Variants in TSEN2 observed in about 807,000 individuals in gnomAD.
The protein encoded by TSEN2 is tRNA splicing endonuclease subunit 2, also known as tRNA-splicing endonuclease subunit Sen2.
A neutral mutation model predicts 59.2 loss-of-function variants in TSEN2; 54 were observed. The ratio of observed to expected loss-of-function variants is 0.91; its 90% CI spans 0.73 to 1.14. The LOEUF is 1.14. TSEN2 is among the 50% of genes most tolerant of loss of function. The pLI, the probability that TSEN2 is intolerant of heterozygous loss-of-function variation, is 0.00. For synonymous variants in TSEN2, 195 were observed against 198.2 expected (o/e 0.98, Z 0.14); for missense variants, 636 against 576.2 (o/e 1.10, Z -1.06).
At chr3:12,516,435 AAACAAAATATATG>A in intron 6 of TSEN2, among the ~76,000 whole-genome samples, 163 bp from the exon 7 acceptor site, 3 of 108,420 alleles carry the variant, frequency 2.8e-5, no homozygotes, top group African/African-American at 3.2e-5. Context: ...AAAAACAAAC[AAACAAAATATATG>A]TGTGTGTGTG....
At position 12,531,582 on chromosome 3, in the gene TSEN2, T is replaced by C. The variant is rs754960735; in HGVS notation, c.1261T>C (p.Cys421Arg). The change falls in exon 11 of 12, where the codon TGC (cysteine) becomes CGC (arginine). Residue 421 changes from cysteine (C) to arginine (R), a missense_variant. Transcript: ENST00000284995. ...SVNVSKELML[C>R]YLIKPSTMTD... ...CATTTCTCAATAGGAACTTATGCTG[T>C]GCTATTTGATTAAACCCTCTACTAT... The C allele has an allele frequency of 1.2e-6, 2 of 1,608,636 alleles. No homozygotes were observed. The highest frequency in any genetic ancestry group is 2.2e-5 in the South Asian group (2 of 90,978).
At chr3:12,528,315 A>T (rs1033129820) in intron 8 of TSEN2, among the ~76,000 whole-genome samples, 1 of 152,218 alleles carries the variant, frequency 6.6e-6, no homozygotes, top group Non-Finnish European at 1.5e-5. Context: ...GATTGCCTGT[A>T]CTTTGACTTT....
chr3:12,499,700 C>T (rs2054100490), intron 4 of TSEN2, among the ~76,000 whole-genome samples: 1 of 152,170 alleles, frequency 6.6e-6, no homozygotes, highest in African/African-American at 2.4e-5. Context: ...ACCAGCACTC[C>T]CTGAGCACCT....
chr3:12,506,578 CAAAAA>C (rs537179433), intron 6 of TSEN2: 27 of 355,694 alleles, frequency 7.6e-5, no homozygotes, highest in Admixed American at 9.6e-5. Flanking sequence ...GATCCTGTTT[CAAAAA>C]AAAAAAAAAA....
intron 10 of TSEN2, chr3:12,530,146 G>T: frequency 7.7e-7 from 1 of 1,306,580 alleles, no homozygotes; most frequent in Non-Finnish European, 9.7e-7. Context: ...ATCTGATCTG[G>T]GTAGGCATTG....
rs1451522637 is a variant in TSEN2 at position 12,531,614 on chromosome 3, C to A, written c.1293C>A (p.Asp431Glu). The change falls in exon 11 of 12, where the codon GAC (aspartate) becomes GAA (glutamate). Residue 431 changes from aspartate to glutamate, a missense_variant. By Grantham distance (45) the Asp-to-Glu change is conservative. Coordinates refer to ENST00000284995, the MANE Select transcript of TSEN2 (RefSeq NM_025265.4). The stretch of plus-strand genomic sequence containing the variant: ...TGATTAAACCCTCTACTATGACTGA[C>A]AAGGAAATGGAGTCACCAGAATGTA... ...CYLIKPSTMTDKEMESPECMK... is the reference protein window; with the variant it reads ...CYLIKPSTMTEKEMESPECMK... 2 of 1,613,408 alleles carry A rather than the reference C, an allele frequency of 1.2e-6. No individual in the cohort carries two copies. The highest frequency in any genetic ancestry group is 2.2e-5 in the East Asian group (1 of 44,874).
At chr3:12,499,299 T>G (rs2054059909) in intron 4 of TSEN2, among the ~76,000 whole-genome samples, 1 of 152,208 alleles carries the variant, frequency 6.6e-6, no homozygotes, top group Non-Finnish European at 1.5e-5. Context: ...CCCGTTGTCC[T>G]TTATTCAGCC....
In TSEN2 at chr3:12,519,072, T is replaced by G. The variant is rs1359737505; in HGVS notation, c.974T>G (p.Ile325Arg). Residue 325 changes from isoleucine to arginine, a missense_variant, in exon 8 of 12, where the codon ATA becomes AGA. Physicochemically the swap from Ile to Arg is moderately conservative, Grantham distance 97. Transcript: ENST00000284995. ...SIYYEKEPLT[I>R]VKLWKAFTVV... ...AAATAACTTTAGGAGCCTTTAACGA[T>G]AGTGAAGCTCTGGAAAGCTTTCACT... 1 of 1,614,210 alleles carries G rather than the reference T, an allele frequency of 6.2e-7. No individual in the cohort carries two copies. Among genetic ancestry groups the G allele is most frequent in the Non-Finnish European group, 8.5e-7 (1 of 1,180,026 alleles).
chr3:12,513,217 C>T (rs2055685171), intron 6 of TSEN2, among the ~76,000 whole-genome samples: 2 of 152,156 alleles, frequency 1.3e-5, no homozygotes, highest in Admixed American at 6.5e-5. Flanking sequence ...ATAATGAAAA[C>T]ACATCAGTTT....
At chr3:12,491,171 T>G (rs1682751631) in intron 2 of TSEN2, among the ~76,000 whole-genome samples, 1 of 152,098 alleles carries the variant, frequency 6.6e-6, no homozygotes, top group African/African-American at 2.4e-5. Context: ...TTGTATTTTT[T>G]GGTAGAGACA....
intron 10 of TSEN2, chr3:12,538,865 C>T: frequency 8.5e-6 from 2 of 234,572 alleles, no homozygotes; most frequent in South Asian, 8.7e-5. Flanking sequence ...GCCCTCTCTT[C>T]ATGTGCTTTC....
intron 10 of TSEN2, chr3:12,539,126 T>C: frequency 2.3e-6 from 1 of 441,972 alleles, no homozygotes. Context: ...GAGCTTACCA[T>C]GTGCTTTTTT....
intron 4 of TSEN2, among the ~76,000 whole-genome samples, chr3:12,499,729 G>A (rs1226128845): frequency 6.6e-6 from 1 of 152,182 alleles, no homozygotes; most frequent in African/African-American, 2.4e-5. Context: ...TAAGTATCGT[G>A]CCAGTGATGG....
intron 11 of TSEN2, among the ~76,000 whole-genome samples, 153 bp from the exon 12 acceptor site, chr3:12,532,509 C>G (rs2125263452): frequency 6.6e-6 from 1 of 152,320 alleles, no homozygotes; most frequent in East Asian, 1.9e-4. Flanking sequence ...TTGTTACATT[C>G]ATTTTCTCCA....
chr3:12,523,020 C>T (rs563189938), intron 8 of TSEN2, among the ~76,000 whole-genome samples: 1 of 152,228 alleles, frequency 6.6e-6, no homozygotes, highest in South Asian at 2.1e-4. Context: ...CCTTTTGTAG[C>T]AGAGGAGTTT....
chr3:12,504,654 A>G (rs187517844), intron 5 of TSEN2, among the ~76,000 whole-genome samples: 53 of 152,322 alleles, frequency 3.5e-4, no homozygotes, highest in African/African-American at 1.2e-3. Context: ...AAAAATTCAC[A>G]GGGGAAAAAG....
At position 12,503,369 on chromosome 3, in the gene TSEN2, C is replaced by A. The variant is rs2054494231; in HGVS notation, c.416C>A (p.Pro139His). The change falls in exon 5 of 12, where the codon CCT (proline) becomes CAT (histidine). Residue 139 changes from proline to histidine, a missense_variant. Transcript: ENST00000284995. ...LKDYTKPLEH[P>H]PVKRNEEAQV... is the part of the protein sequence containing the mutation. ...GATTACACGAAACCGCTTGAGCATCCTCCTGTGAAAAGGAATGAAGAGGCT... is the reference window on the plus strand; with the variant it reads ...GATTACACGAAACCGCTTGAGCATCATCCTGTGAAAAGGAATGAAGAGGCT... 1 of 1,614,192 alleles carries A rather than the reference C, an allele frequency of 6.2e-7. No homozygotes were observed. Among genetic ancestry groups the A allele is most frequent in the Non-Finnish European group, 8.5e-7 (1 of 1,180,036 alleles).
At chr3:12,480,785 C>T (rs956242344), upstream of TSEN2, among the ~76,000 whole-genome samples, 2 of 152,038 alleles carry the variant, frequency 1.3e-5, no homozygotes, top group African/African-American at 4.8e-5. Context: ...CAACCCACCT[C>T]GGCCTCCCAG....
chr3:12,532,995 T>C lies in TSEN2; in HGVS notation c.*274T>C. ...TCAGTCTTTTCCCTCATCCACTCAC[T>C]GGGGAGATTGGACTAGAGGAGTCCT... is the stretch of plus-strand genomic sequence containing the variant. On this transcript the variant is annotated 3_prime_UTR_variant, in exon 12 of 12. Transcript: ENST00000284995. 1 of 531,934 alleles carries C rather than the reference T, an allele frequency of 1.9e-6. No individual in the cohort carries two copies. The highest frequency in any genetic ancestry group is 3.4e-6 in the Non-Finnish European group (1 of 297,444). The allele number at this position is 531,934 out of a possible 1,614,324, so 33.0% of individuals were successfully genotyped here.
Sources: allele counts gnomAD v4.1 joint callset (sites outside exome capture counted in the v4.1 genomes callset), GRCh38; gene constraint gnomAD v4.1.1; transcripts MANE v1.5; gene names NCBI Gene and HGNC (gene_info 2026-07-23, HGNC 2026-07-21).